Variants in SLC35D4 observed in about 807,000 individuals in gnomAD.
SLC35D4 encodes the protein UDP-N-acetylglucosamine transporter SLC35D4.
chr18:23,398,781 C>T, the SLC35D4 span, among the ~76,000 whole-genome samples: 5 of 152,120 alleles, frequency 3.3e-5, no homozygotes, highest in Admixed American at 6.5e-5. Context: ...AACATAACAA[C>T]AAGAATTTTA....
chr18:23,259,764 TC>T, the SLC35D4 span: 1 of 152,202 alleles, frequency 6.6e-6, no homozygotes, highest in Non-Finnish European at 1.5e-5. Flanking sequence ...GAGGAGGAAG[TC>T]TGAGCCTGTG....
chr18:23,420,025 C>T, the SLC35D4 span, among the ~76,000 whole-genome samples: 3 of 152,106 alleles, frequency 2.0e-5, no homozygotes, highest in African/African-American at 7.2e-5. Flanking sequence ...AGGGAATCGC[C>T]GGGCACAGTG....
the SLC35D4 span, among the ~76,000 whole-genome samples, chr18:23,268,156 A>G: frequency 1.3e-5 from 2 of 152,238 alleles, no homozygotes; most frequent in African/African-American, 2.4e-5. Flanking sequence ...AAATCAAAGT[A>G]TAAGTCCTGA....
the SLC35D4 span, chr18:23,399,535 G>A: frequency 1.9e-6 from 3 of 1,593,348 alleles, no homozygotes; most frequent in Non-Finnish European, 2.6e-6. Flanking sequence ...AGGGAGAGAG[G>A]AGTTGTTTCC....
At chr18:23,275,052 GTT>G in the SLC35D4 span, among the ~76,000 whole-genome samples, 49 of 65,492 alleles carry the variant, frequency 7.5e-4, no homozygotes, top group Middle Eastern at 8.2e-3. Flanking sequence ...GTGTGAGTGT[GTT>G]TGTGTAGGTG....
chr18:23,329,742 A>G, the SLC35D4 span, among the ~76,000 whole-genome samples: 4 of 152,236 alleles, frequency 2.6e-5, no homozygotes, highest in African/African-American at 4.8e-5. Flanking sequence ...TGGTACTATA[A>G]AGACACATGC....
chr18:23,350,644 T>A, the SLC35D4 span, among the ~76,000 whole-genome samples: 1 of 152,114 alleles, frequency 6.6e-6, no homozygotes, highest in African/African-American at 2.4e-5. Flanking sequence ...AGACCACTGG[T>A]CCACTGCTTG....
the SLC35D4 span, among the ~76,000 whole-genome samples, chr18:23,366,008 C>T: frequency 7.2e-5 from 11 of 152,164 alleles, no homozygotes; most frequent in African/African-American, 2.7e-4. Context: ...ACAAAGCAAA[C>T]ACCAAATTAA....
At chr18:23,424,023 C>A in the SLC35D4 span, among the ~76,000 whole-genome samples, 537 of 152,242 alleles carry the variant, frequency 3.5e-3, 4 homozygotes, top group Non-Finnish European at 6.2e-3. Context: ...TTTGGGGAAG[C>A]TCCCTCTCTT....
At chr18:23,355,485 T>C in the SLC35D4 span, among the ~76,000 whole-genome samples, 1 of 152,264 alleles carries the variant, frequency 6.6e-6, no homozygotes, top group East Asian at 1.9e-4. Flanking sequence ...GCCTAACCAA[T>C]TGACAGGAAC....
chr18:23,266,419 A>AAG, the SLC35D4 span, among the ~76,000 whole-genome samples: 10 of 152,162 alleles, frequency 6.6e-5, no homozygotes, highest in African/African-American at 2.4e-4. Flanking sequence ...AAAAAAAAAA[A>AAG]AAAACAAATC....
At chr18:23,334,402 A>G in the SLC35D4 span, among the ~76,000 whole-genome samples, 1 of 152,192 alleles carries the variant, frequency 6.6e-6, no homozygotes, top group African/African-American at 2.4e-5. Flanking sequence ...TCCCCACACA[A>G]TCCTCCCCTT....
chr18:23,295,207 C>G, the SLC35D4 span, among the ~76,000 whole-genome samples: 1 of 150,422 alleles, frequency 6.6e-6, no homozygotes, highest in Non-Finnish European at 1.5e-5. Context: ...ATACACCGGG[C>G]CTGTCGGGGG....
chr18:23,333,665 GA>G, the SLC35D4 span, among the ~76,000 whole-genome samples: 12 of 152,084 alleles, frequency 7.9e-5, no homozygotes, highest in Non-Finnish European at 1.5e-4. Context: ...CCACCTGAAG[GA>G]AAAAATACGT....
the SLC35D4 span, among the ~76,000 whole-genome samples, chr18:23,276,820 TA>T: frequency 1.3e-5 from 2 of 152,266 alleles, no homozygotes; most frequent in East Asian, 3.9e-4. Context: ...CCAGGAGTGG[TA>T]GCCAAAGAGA....
chr18:23,298,104 C>T, the SLC35D4 span: 3 of 1,612,842 alleles, frequency 1.9e-6, no homozygotes, highest in Non-Finnish European at 1.7e-6. Flanking sequence ...CTCCACTCCC[C>T]CGGGACCCCT....
the SLC35D4 span, among the ~76,000 whole-genome samples, chr18:23,434,382 T>A: frequency 6.6e-6 from 1 of 152,208 alleles, no homozygotes; most frequent in Non-Finnish European, 1.5e-5. Context: ...GGACCCTTGG[T>A]CAGCTACGAT....
chr18:23,239,545 C>T, the SLC35D4 span, among the ~76,000 whole-genome samples: 20 of 152,192 alleles, frequency 1.3e-4, no homozygotes, highest in Non-Finnish European at 2.9e-5. Context: ...GTTTCTCATG[C>T]ATTTGCATTG....
the SLC35D4 span, among the ~76,000 whole-genome samples, chr18:23,349,346 T>A: frequency 6.6e-6 from 1 of 152,198 alleles, no homozygotes; most frequent in Non-Finnish European, 1.5e-5. Context: ...AAAAACCTGT[T>A]TTTTGGCCAG....
Sources: allele counts gnomAD v4.1 joint callset (sites outside exome capture counted in the v4.1 genomes callset), GRCh38; gene constraint gnomAD v4.1.1; transcripts MANE v1.5; gene names NCBI Gene and HGNC (gene_info 2026-07-23, HGNC 2026-07-21).